Variants in NCKAP5 observed in about 807,000 individuals in gnomAD.
NCKAP5 encodes NCK associated protein 5.
In NCKAP5, 92 loss-of-function variants were observed where a neutral mutation model predicts 167.0. The observed-to-expected ratio is 0.55, with a 90% CI of 0.47 to 0.66. The LOEUF (loss-of-function observed/expected upper bound fraction) is 0.66, where lower values mean the gene tolerates loss of function less well. Ranked by LOEUF, NCKAP5 falls within the 30% of genes least tolerant of loss-of-function variation. The pLI is 0.00. For missense variants in NCKAP5, 2,378 were observed against 2,315.0 expected (o/e 1.03, Z -0.56); for synonymous variants, 891 against 877.4 (o/e 1.02, Z -0.27).
intron 11 of NCKAP5, among the ~76,000 whole-genome samples, chr2:132,850,821 T>C (rs1032486443): frequency 1.3e-5 from 2 of 151,948 alleles, no homozygotes; most frequent in African/African-American, 2.4e-5. Flanking sequence ...ACTTCTGAGG[T>C]AGGAAAGGGC....
intron 16 of NCKAP5, among the ~76,000 whole-genome samples, chr2:132,742,433 T>C (rs1382577340): frequency 6.6e-6 from 1 of 151,946 alleles, no homozygotes; most frequent in East Asian, 1.9e-4. Context: ...TCTATCAATT[T>C]AGCAACTGAT....
At chr2:133,461,821 T>G (rs1190431616) in intron 3 of NCKAP5, among the ~76,000 whole-genome samples, 1 of 152,178 alleles carries the variant, frequency 6.6e-6, no homozygotes, top group African/African-American at 2.4e-5. Context: ...ATGGACTTTA[T>G]GAGTAGCTAC....
chr2:133,155,691 C>T (rs936379306), intron 5 of NCKAP5, among the ~76,000 whole-genome samples: 1 of 152,104 alleles, frequency 6.6e-6, no homozygotes, highest in African/African-American at 2.4e-5. Flanking sequence ...AGCAGATCAC[C>T]CTCTGTTATG....
intron 4 of NCKAP5, among the ~76,000 whole-genome samples, chr2:133,290,240 T>C (rs1041033161): frequency 1.3e-5 from 2 of 152,142 alleles, no homozygotes; most frequent in East Asian, 3.9e-4. Flanking sequence ...ATTTGCTTTA[T>C]CCAAATGGAA....
intron 4 of NCKAP5, among the ~76,000 whole-genome samples, chr2:133,238,155 ACTTT>A (rs1227560539): frequency 6.6e-6 from 1 of 152,194 alleles, no homozygotes; most frequent in Non-Finnish European, 1.5e-5. Flanking sequence ...AAAAAGTGAC[ACTTT>A]AATTATATGA....
At chr2:133,300,271 C>T (rs1280343731) in intron 4 of NCKAP5, among the ~76,000 whole-genome samples, 1 of 132,668 alleles carries the variant, frequency 7.5e-6, no homozygotes, top group Non-Finnish European at 1.6e-5. Context: ...CTCTCTAACT[C>T]ATTTTATGAG....
chr2:132,978,415 G>C (rs1050248090), intron 7 of NCKAP5, among the ~76,000 whole-genome samples: 1 of 152,188 alleles, frequency 6.6e-6, no homozygotes, highest in South Asian at 2.1e-4. Flanking sequence ...GCTGGTTCCA[G>C]GTCTGCCACT....
intron 5 of NCKAP5, among the ~76,000 whole-genome samples, chr2:133,199,398 T>G (rs868523601): frequency 2.0e-5 from 3 of 152,006 alleles, no homozygotes; most frequent in African/African-American, 7.2e-5. Flanking sequence ...CAATGATTTC[T>G]TTAAAAAGCA....
intron 6 of NCKAP5, among the ~76,000 whole-genome samples, chr2:133,009,067 T>C (rs2149355515): frequency 6.6e-6 from 1 of 152,310 alleles, no homozygotes; most frequent in Middle Eastern, 3.4e-3. Flanking sequence ...CCTGGAACAT[T>C]TGCAGGAAGA....
At chr2:133,569,452 GT>G (rs538332360), upstream of NCKAP5, among the ~76,000 whole-genome samples, 1 of 152,078 alleles carries the variant, frequency 6.6e-6, no homozygotes, top group East Asian at 1.9e-4. Flanking sequence ...TTTTTAGTTT[GT>G]TTTTTAGCCA....
the NCKAP5 span, among the ~76,000 whole-genome samples, chr2:133,642,635 A>G: frequency 6.6e-6 from 1 of 152,180 alleles, no homozygotes; most frequent in Non-Finnish European, 1.5e-5. Context: ...AGCAGGCTGA[A>G]CGGTAAACAT....
intron 6 of NCKAP5, among the ~76,000 whole-genome samples, chr2:133,067,546 A>C (rs2149537935): frequency 6.6e-6 from 1 of 152,310 alleles, no homozygotes; most frequent in East Asian, 1.9e-4. Flanking sequence ...CTGATGTCTG[A>C]GGAAATCCAA....
At chr2:133,138,188 A>G (rs2082867142) in intron 5 of NCKAP5, among the ~76,000 whole-genome samples, 1 of 152,222 alleles carries the variant, frequency 6.6e-6, no homozygotes, top group Non-Finnish European at 1.5e-5. Context: ...GGGGGGTACT[A>G]TGAATTAAAG....
At chr2:133,427,650 A>C (rs1038183596) in intron 3 of NCKAP5, among the ~76,000 whole-genome samples, 9 of 152,316 alleles carry the variant, frequency 5.9e-5, no homozygotes, top group African/African-American at 2.2e-4. Flanking sequence ...AATGTTAGCA[A>C]ATTGTATTCA....
the NCKAP5 span, among the ~76,000 whole-genome samples, chr2:133,633,797 A>G: frequency 6.6e-6 from 1 of 152,332 alleles, no homozygotes; most frequent in African/African-American, 2.4e-5. Context: ...TGTACTTTCA[A>G]TGATACTAAA....
intron 3 of NCKAP5, among the ~76,000 whole-genome samples, chr2:133,457,376 C>A (rs944097518): frequency 1.3e-5 from 2 of 152,090 alleles, no homozygotes; most frequent in Non-Finnish European, 2.9e-5. Context: ...ATATCAAATC[C>A]TACCACTGAG....
At chr2:133,531,333 A>C (rs951663070) in intron 2 of NCKAP5, among the ~76,000 whole-genome samples, 16 of 152,108 alleles carry the variant, frequency 1.1e-4, no homozygotes, top group Non-Finnish European at 2.2e-4. Context: ...TTTGGGCATA[A>C]TTTCTTTAGA....
intron 4 of NCKAP5, among the ~76,000 whole-genome samples, chr2:133,259,880 C>T (rs183859178): frequency 1.4e-3 from 218 of 152,238 alleles, no homozygotes; most frequent in Admixed American, 2.6e-3. Context: ...CTATTCAACA[C>T]ATATTTATTA....
chr2:132,866,462 G>T (rs1004685928), intron 10 of NCKAP5, among the ~76,000 whole-genome samples: 3 of 152,136 alleles, frequency 2.0e-5, no homozygotes, highest in African/African-American at 7.2e-5. Context: ...TTCTAAAGGG[G>T]TACAGTCCAT....
Sources: gnomAD v4.1 joint callset for allele counts (sites outside exome capture counted in the v4.1 genomes callset) on GRCh38, gnomAD v4.1.1 for gene constraint, MANE v1.5 for transcripts, NCBI Gene and HGNC (gene_info 2026-07-23, HGNC 2026-07-21) for gene names.